The following BIN3 variants were observed in gnomAD, a reference collection of about 807,000 sequenced individuals.
BIN3 encodes the protein bridging integrator 3.
A neutral mutation model predicts 38.2 loss-of-function variants in BIN3; 41 were observed. That is an observed-to-expected ratio of 1.07 (90% confidence interval 0.84 to 1.39). The LOEUF is 1.39. Among genes scored for constraint, BIN3 ranks in the 40% most tolerant of loss-of-function variants. The pLI is 0.00. For missense variants in BIN3, 361 were observed against 324.3 expected (o/e 1.11, Z -0.87); for synonymous variants, 145 against 122.6 (o/e 1.18, Z -1.21).
At chr8:22,635,018 G>A (rs1229879007) in intron 4 of BIN3, among the ~76,000 whole-genome samples, 4 of 152,266 alleles carry the variant, frequency 2.6e-5, no homozygotes, top group Middle Eastern at 3.4e-3. Context: ...TGGAGTGGCC[G>A]AGGGGACTGA....
intron 3 of BIN3, 137 bp from the exon 4 acceptor site, chr8:22,636,723 G>T: frequency 9.7e-7 from 1 of 1,032,462 alleles, no homozygotes. Flanking sequence ...TGACTGAAGT[G>T]CCACTACACC....
chr8:22,623,798 T>TG, intron 8 of BIN3, 117 bp downstream of exon 8: 1 of 1,311,640 alleles, frequency 7.6e-7, no homozygotes, highest in Non-Finnish European at 1.0e-6. Flanking sequence ...GGGCTTTGCC[T>TG]GGGGTGGGTG....
chr8:22,660,003 G>C (rs1248133555), intron 1 of BIN3, among the ~76,000 whole-genome samples: 1 of 152,124 alleles, frequency 6.6e-6, no homozygotes, highest in Admixed American at 6.5e-5. Context: ...TAGGAAACCT[G>C]AAATTATTTT....
At chr8:22,631,039 T>C (rs1228310547) in intron 4 of BIN3, among the ~76,000 whole-genome samples, 1 of 152,194 alleles carries the variant, frequency 6.6e-6, no homozygotes, top group Non-Finnish European at 1.5e-5. Context: ...ACAGTAAATA[T>C]TTCAGGCTTC....
At chr8:22,645,747 C>G (rs972985666) in intron 1 of BIN3, among the ~76,000 whole-genome samples, 1 of 152,178 alleles carries the variant, frequency 6.6e-6, no homozygotes. Flanking sequence ...ATATTAGGTG[C>G]TTTGCTACTT....
intron 5 of BIN3, 92 bp from the exon 6 acceptor site, chr8:22,630,096 T>C (rs1409969593): frequency 1.1e-5 from 14 of 1,314,538 alleles, no homozygotes; most frequent in Non-Finnish European, 1.4e-5. Context: ...GGCTAGGAAG[T>C]CTAAAGGGCC....
chr8:22,624,064 C>A lies in BIN3; in HGVS notation c.481-15G>T, dbSNP rs374775438. On this transcript the variant is annotated splice_polypyrimidine_tract_variant and intron_variant, in intron 7 of 8. Transcript: ENST00000276416. ...TCCTCTCGTGCCTAGGGAACAAGAC[C>A]TGGGTGTCAAAACTCTCTCACTGCT... is the stretch of plus-strand genomic sequence containing the variant. 33 of 1,418,814 alleles carry A rather than the reference C, an allele frequency of 2.3e-5. No homozygotes were observed. Among genetic ancestry groups the A allele is most frequent in the Non-Finnish European group, 2.9e-5 (31 of 1,057,130 alleles). 87.9% of individuals were successfully genotyped at this position (1,418,814 alleles called of 1,614,324 possible).
intron 2 of BIN3, 116 bp from the exon 3 acceptor site, chr8:22,637,078 C>A: frequency 1.2e-6 from 1 of 864,998 alleles, no homozygotes; most frequent in South Asian, 1.4e-5. Flanking sequence ...ACAACATGGT[C>A]CAGTTCACAC....
chr8:22,651,392 TCAGCAC>T (rs1483136119), intron 1 of BIN3, among the ~76,000 whole-genome samples: 1 of 152,250 alleles, frequency 6.6e-6, no homozygotes, highest in Non-Finnish European at 1.5e-5. Context: ...CGTGAGGCTC[TCAGCAC>T]CAGCTGTCCC....
Position 22,645,580 on chromosome 8 carries a change from GGATGGC to G in BIN3, c.9-783_9-778del, listed in dbSNP as rs1563968911. ...GGAAAGGGGAAGAGAGGAAAGGCGA[GGATGGC>G]AGGAAAGGGAAGACACCCGCGAGGA... On this transcript the variant is annotated intron_variant, in intron 1 of 8. Coordinates refer to ENST00000276416, the MANE Select transcript of BIN3 (RefSeq NM_018688.6). Among the ~76,000 whole-genome samples, 503 of 134,816 alleles carry G rather than the reference GGATGGC, an allele frequency of 3.7e-3. 1 individual carries two copies. Among genetic ancestry groups the G allele is most frequent in the African/African-American group, 0.016 (427 of 26,034 alleles). 88.4% of individuals were successfully genotyped at this position (134,816 alleles called of 152,430 possible). A position where few individuals can be genotyped will look rare whatever the true frequency, so the allele number is the denominator to read the frequency against.
At chr8:22,639,812 C>T (rs1802483352) in intron 2 of BIN3, among the ~76,000 whole-genome samples, 1 of 152,184 alleles carries the variant, frequency 6.6e-6, no homozygotes, top group Non-Finnish European at 1.5e-5. Flanking sequence ...AGGGTGGAGT[C>T]CCATGCTTGG....
Position 22,621,473 on chromosome 8 carries a change from G to A in BIN3, c.711C>T (p.Asn237=), listed in dbSNP as rs371953031. ...CCCGGAGCTCACTGAGTTTGGCCTCGTTCTCCCGCTCCCGCTGCTCATCGG... is the reference window on the plus strand; with the variant it reads ...CCCGGAGCTCACTGAGTTTGGCCTCATTCTCCCGCTCCCGCTGCTCATCGG... The part of the protein sequence containing the change: ...GHSDEQRERE[N]EAKLSELRAL... Residue 237 remains asparagine, a synonymous_variant, in exon 9 of 9, where the codon AAC becomes AAT. Coordinates refer to ENST00000276416, the MANE Select transcript of BIN3 (RefSeq NM_018688.6). 112 of 1,613,752 alleles carry A rather than the reference G, an allele frequency of 6.9e-5. No individual in the cohort carries two copies. The highest frequency in any genetic ancestry group is 1.6e-4 in the Middle Eastern group (1 of 6,080).
chr8:22,632,318 C>T (rs902421917), intron 4 of BIN3, among the ~76,000 whole-genome samples: 1 of 152,218 alleles, frequency 6.6e-6, no homozygotes, highest in African/African-American at 2.4e-5. Context: ...GCCCCTTCAC[C>T]AGTCAGCAAA....
intron 1 of BIN3, among the ~76,000 whole-genome samples, chr8:22,648,136 CAAAA>C (rs55869105): frequency 3.9e-5 from 4 of 102,376 alleles, no homozygotes; most frequent in Admixed American, 2.2e-4. Context: ...CTCCGTCTCT[CAAAA>C]AAAAAAAAAA....
chr8:22,623,922 C>G lies in BIN3; in HGVS notation c.608G>C (p.Arg203Pro). 6.2e-7 allele frequency: 1 copy of G among 1,611,562 alleles called. No homozygotes were observed. The highest frequency in any genetic ancestry group is 8.5e-7 in the Non-Finnish European group (1 of 1,179,240). The change falls in exon 8 of 9, where the codon CGA becomes CCA. Residue 203 changes from arginine (R) to proline (P), a missense_variant. Physicochemically the swap from Arg to Pro is moderately radical, Grantham distance 103. Transcript: ENST00000276416. ...YFQPSFESLI[R>P]AQVVYYSEMH... ...AGCACCTGGCGGCCTCACCTGAGCT[C>G]GGATGAGGGACTCAAAGCTGGGCTG...
At chr8:22,621,716 A>G (rs1196134928) in intron 8 of BIN3, 148 bp from the exon 9 acceptor site, 2 of 854,200 alleles carry the variant, frequency 2.3e-6, no homozygotes, top group South Asian at 1.7e-5. Context: ...CAGGGCACGG[A>G]AGGGCTCTAG....
chr8:22,659,461 C>T (rs1803161526), intron 1 of BIN3, among the ~76,000 whole-genome samples: 1 of 152,232 alleles, frequency 6.6e-6, no homozygotes, highest in Non-Finnish European at 1.5e-5. Flanking sequence ...CCTCCTTCCC[C>T]ACCGCTCCAC....
chr8:22,633,506 C>T (rs1802273431), intron 4 of BIN3, among the ~76,000 whole-genome samples: 1 of 152,228 alleles, frequency 6.6e-6, no homozygotes, highest in South Asian at 2.1e-4. Context: ...CTGATGCGGC[C>T]TCTGGAATGT....
intron 7 of BIN3, 79 bp from the exon 8 acceptor site, chr8:22,624,128 G>A (rs1801931625): frequency 6.3e-7 from 1 of 1,588,350 alleles, no homozygotes; most frequent in Non-Finnish European, 8.6e-7. Flanking sequence ...GGGACGTCTG[G>A]TGTCTTGGTG....
Sources: gnomAD v4.1 joint callset for allele counts (sites outside exome capture counted in the v4.1 genomes callset) on GRCh38, gnomAD v4.1.1 for gene constraint, MANE v1.5 for transcripts, NCBI Gene and HGNC (gene_info 2026-07-23, HGNC 2026-07-21) for gene names.